Variants in CSMD1 observed in about 807,000 individuals in gnomAD.
CSMD1 encodes the protein CUB and sushi domain-containing protein 1.
A neutral mutation model predicts 417.5 loss-of-function variants in CSMD1; 213 were observed. The observed-to-expected ratio is 0.51, with a 90% CI of 0.46 to 0.57. The LOEUF (loss-of-function observed/expected upper bound fraction) is 0.57, where lower values mean the gene tolerates loss of function less well. CSMD1 is among the 20% of genes least tolerant of loss of function. The pLI, the probability that CSMD1 is intolerant of heterozygous loss-of-function variation, is 0.00. For missense variants in CSMD1, 6,923 were observed against 4,529.7 expected, an observed-to-expected ratio of 1.53 and a Z score of -15.17; for synonymous variants, 2,862 against 1,736.8, an observed-to-expected ratio of 1.65 and a Z score of -16.11.
At chr8:4,562,826 T>C (rs1015051438) in intron 2 of CSMD1, among the ~76,000 whole-genome samples, 4 of 152,158 alleles carry the variant, frequency 2.6e-5, no homozygotes, top group African/African-American at 7.2e-5. Context: ...TTTATTATGT[T>C]AGAATATCAG....
intron 5 of CSMD1, among the ~76,000 whole-genome samples, chr8:3,797,379 C>A (rs1202488705): frequency 6.6e-6 from 1 of 151,946 alleles, no homozygotes; most frequent in Non-Finnish European, 1.5e-5. Context: ...CGGATGCAGG[C>A]ATAAAACATT....
At chr8:2,951,334 A>G in intron 65 of CSMD1, 59 bp from the exon 66 acceptor site, 1 of 1,508,746 alleles carries the variant, frequency 6.6e-7, no homozygotes, top group South Asian at 1.3e-5. Context: ...AAATTCAGAC[A>G]TTATTAAACA....
chr8:4,227,517 C>G (rs958051783), intron 3 of CSMD1, among the ~76,000 whole-genome samples: 1 of 152,066 alleles, frequency 6.6e-6, no homozygotes, highest in Non-Finnish European at 1.5e-5. Context: ...ATTAAATCCA[C>G]ACATTATAGA....
At chr8:4,069,015 T>C (rs1219761416) in intron 3 of CSMD1, among the ~76,000 whole-genome samples, 10 of 152,236 alleles carry the variant, frequency 6.6e-5, no homozygotes, top group Non-Finnish European at 1.3e-4. Flanking sequence ...AGTAGTTGAT[T>C]TTTACTTTGC....
chr8:3,359,953 G>A (rs999833607), intron 20 of CSMD1, among the ~76,000 whole-genome samples: 42 of 152,172 alleles, frequency 2.8e-4, no homozygotes, highest in African/African-American at 2.4e-4. Flanking sequence ...CAGCTTGAGA[G>A]TGTGGAATAA....
chr8:4,831,026 A>T (rs965255360), intron 1 of CSMD1, among the ~76,000 whole-genome samples: 1 of 152,212 alleles, frequency 6.6e-6, no homozygotes, highest in African/African-American at 2.4e-5. Context: ...CACTTGGTGA[A>T]TAACAGGATG....
At chr8:4,947,654 C>A (rs1246484487) in intron 1 of CSMD1, among the ~76,000 whole-genome samples, 1 of 152,078 alleles carries the variant, frequency 6.6e-6, no homozygotes, top group East Asian at 1.9e-4. Flanking sequence ...TAACCACTTA[C>A]ATTTTGGGTT....
intron 7 of CSMD1, among the ~76,000 whole-genome samples, chr8:3,630,180 A>G (rs1796707768): frequency 6.6e-6 from 1 of 152,264 alleles, no homozygotes; most frequent in Admixed American, 6.5e-5. Flanking sequence ...TGGTACAGGC[A>G]GGCTCTCCGT....
intron 5 of CSMD1, among the ~76,000 whole-genome samples, chr8:3,765,528 C>G (rs990153672): frequency 1.3e-5 from 2 of 152,224 alleles, no homozygotes; most frequent in African/African-American, 4.8e-5. Flanking sequence ...AGACATCTTC[C>G]TCTTCTTTGT....
intron 3 of CSMD1, among the ~76,000 whole-genome samples, chr8:4,254,089 T>C (rs1803273654): frequency 1.3e-5 from 2 of 151,838 alleles, no homozygotes; most frequent in Admixed American, 6.6e-5. Flanking sequence ...GCTAATTTTT[T>C]TGTGTTTTTA....
At chr8:3,408,659 A>G (rs1356000922) in intron 13 of CSMD1, among the ~76,000 whole-genome samples, 1 of 152,098 alleles carries the variant, frequency 6.6e-6, no homozygotes, top group Admixed American at 6.5e-5. Flanking sequence ...CATTTTCTCC[A>G]GTAATTTAAA....
intron 1 of CSMD1, among the ~76,000 whole-genome samples, chr8:4,894,902 C>T (rs1056343199): frequency 2.2e-4 from 34 of 152,048 alleles, no homozygotes; most frequent in Non-Finnish European, 1.5e-4. Context: ...GCCAAAAATG[C>T]ACATTTTCAA....
intron 55 of CSMD1, among the ~76,000 whole-genome samples, chr8:2,974,901 C>G (rs955421929): frequency 1.3e-5 from 2 of 152,198 alleles, no homozygotes; most frequent in African/African-American, 4.8e-5. Flanking sequence ...TTCAAGGAGA[C>G]AGCCATACTG....
intron 5 of CSMD1, among the ~76,000 whole-genome samples, chr8:3,996,991 C>T (rs1815269958): frequency 6.6e-6 from 1 of 152,204 alleles, no homozygotes; most frequent in Non-Finnish European, 1.5e-5. Context: ...TGTTCACAAT[C>T]ACTCATTCCA....
At chr8:3,430,694 C>G (rs1371251704) in intron 12 of CSMD1, among the ~76,000 whole-genome samples, 1 of 152,074 alleles carries the variant, frequency 6.6e-6, no homozygotes, top group African/African-American at 2.4e-5. Flanking sequence ...GTAATCCCAG[C>G]TACTCAGGAG....
At chr8:3,857,694 A>G (rs1458186081) in intron 5 of CSMD1, among the ~76,000 whole-genome samples, 1 of 152,166 alleles carries the variant, frequency 6.6e-6, no homozygotes. Flanking sequence ...ATTCTTCATA[A>G]TCTTCAAATA....
Position 2,990,892 on chromosome 8 carries a change from G to A in CSMD1, c.8377+7119C>T, listed in dbSNP as rs111526599. On this transcript the variant is annotated intron_variant, in intron 54 of 69. Transcript: ENST00000635120. ...TGTTAGCTGAGCTTATTGGTCAGAG[G>A]CATCATCCCAGGGAAGCGCAGAACT... Among the ~76,000 whole-genome samples, 479 of 152,308 alleles carry A rather than the reference G, an allele frequency of 3.1e-3. 1 individual carries two copies. The highest frequency in any genetic ancestry group is 5.2e-3 in the Non-Finnish European group (354 of 68,030).
chr8:4,247,487 G>A (rs1802784002), intron 3 of CSMD1, among the ~76,000 whole-genome samples: 1 of 152,080 alleles, frequency 6.6e-6, no homozygotes, highest in South Asian at 2.1e-4. Context: ...ATTTATGCAG[G>A]CTCATGTTTT....
At chr8:3,392,428 G>A (rs752963919) in intron 17 of CSMD1, among the ~76,000 whole-genome samples, 16 of 152,018 alleles carry the variant, frequency 1.1e-4, no homozygotes, top group Non-Finnish European at 1.8e-4. Context: ...GCTAGACGGG[G>A]TTACCTGGAT....
Sources: gnomAD v4.1 joint callset for allele counts (sites outside exome capture counted in the v4.1 genomes callset) on GRCh38, gnomAD v4.1.1 for gene constraint, MANE v1.5 for transcripts, NCBI Gene and HGNC (gene_info 2026-07-23, HGNC 2026-07-21) for gene names.